The following CASD1 variants were observed in gnomAD, a reference collection of about 807,000 sequenced individuals.
CASD1 encodes N-acetylneuraminate (7)9-O-acetyltransferase.
CASD1 carries 41 observed loss-of-function variants against 100.0 expected under a neutral mutation model. That is an observed-to-expected ratio of 0.41 (90% CI 0.32 to 0.53). CASD1 has a LOEUF of 0.53. CASD1 is among the 20% of genes least tolerant of loss of function. The pLI is 0.25. For synonymous variants in CASD1, 321 were observed against 315.6 expected, an observed-to-expected ratio of 1.02 and a Z score of -0.18; for missense variants, 774 against 948.7, an observed-to-expected ratio of 0.82 and a Z score of 2.42.
At chr7:94,567,205 G>A in the CASD1 span, among the ~76,000 whole-genome samples, 2 of 151,346 alleles carry the variant, frequency 1.3e-5, no homozygotes, top group African/African-American at 4.9e-5. Flanking sequence ...CTTCGTGATT[G>A]TCAGAGGCTA....
At chr7:94,605,906 G>A in the CASD1 span, among the ~76,000 whole-genome samples, 1 of 151,944 alleles carries the variant, frequency 6.6e-6, no homozygotes, top group Non-Finnish European at 1.5e-5. Flanking sequence ...TCAGCTCACT[G>A]CAACCTCTGC....
the CASD1 span, among the ~76,000 whole-genome samples, chr7:94,591,521 A>G: frequency 3.3e-5 from 5 of 152,210 alleles, no homozygotes; most frequent in South Asian, 6.2e-4. Context: ...TAGGTGTTCT[A>G]ACATAGGTAG....
chr7:94,629,429 G>A, the CASD1 span: 1 of 313,666 alleles, frequency 3.2e-6, no homozygotes, highest in South Asian at 3.2e-5. Context: ...AAAATCATAA[G>A]TTTACAGCTA....
intron 10 of CASD1, among the ~76,000 whole-genome samples, 182 bp from the exon 11 acceptor site, chr7:94,544,229 A>G (rs1408946661): frequency 2.6e-5 from 4 of 152,230 alleles, no homozygotes; most frequent in Non-Finnish European, 5.9e-5. Flanking sequence ...AGGTCTCTCC[A>G]ATTCCAGTTC....
the CASD1 span, chr7:94,587,956 C>T: frequency 1.2e-4 from 178 of 1,429,634 alleles, no homozygotes; most frequent in Non-Finnish European, 1.5e-4. Context: ...GAATTCCACA[C>T]CCAACTTACA....
Position 94,555,978 on chromosome 7 carries a change from A to G in CASD1, c.*220A>G, listed in dbSNP as rs879427593. 29 of 496,122 alleles carry G rather than the reference A, an allele frequency of 5.8e-5. No individual in the cohort carries two copies. The highest frequency in any genetic ancestry group is 8.1e-5 in the Non-Finnish European group (23 of 282,932). 30.7% of individuals were successfully genotyped at this position (496,122 alleles called of 1,614,324 possible). On this transcript the variant is annotated 3_prime_UTR_variant, in exon 18 of 18. Coordinates refer to ENST00000297273, the MANE Select transcript of CASD1 (RefSeq NM_022900.5). The stretch of plus-strand genomic sequence containing the variant: ...ACAAACAAACAAACAAAAAACCAGA[A>G]TGCATTGTATAGGATTGCATGTGAA...
At chr7:94,568,264 CTCAAG>C in the CASD1 span, among the ~76,000 whole-genome samples, 1 of 152,010 alleles carries the variant, frequency 6.6e-6, no homozygotes, top group Non-Finnish European at 1.5e-5. Context: ...TAGGTAGCAA[CTCAAG>C]TCAGTTACAA....
intron 16 of CASD1, among the ~76,000 whole-genome samples, chr7:94,552,917 A>G (rs1461061375): frequency 6.6e-6 from 1 of 152,192 alleles, no homozygotes; most frequent in Non-Finnish European, 1.5e-5. Flanking sequence ...AGCCTGGGCA[A>G]TGAGCAAGAC....
chr7:94,586,706 C>G, the CASD1 span: 3 of 302,934 alleles, frequency 9.9e-6, no homozygotes, highest in Non-Finnish European at 1.5e-5. Flanking sequence ...TTCGCCATGT[C>G]GGGCAGGCTG....
chr7:94,533,236 C>T lies in CASD1; in HGVS notation c.491C>T (p.Ala164Val). ...DSIAKPHVIV[A>V]GAATWSIKIH... ...ATTGCAAAGCCACATGTGATTGTAG[C>T]AGGAGCTGCCACAGTAAGTTATCAT... The change falls in exon 6 of 18, where the codon GCA becomes GTA. Residue 164 changes from alanine (A) to valine (V), a missense_variant. By Grantham distance (64) the Ala-to-Val change is moderately conservative (BLOSUM62 0). Around this residue, in one of 5 missense-constraint regions of CASD1, gnomAD observed 453 missense variants for 532.6 expected, o/e 0.85. Transcript: ENST00000297273. 6.2e-7 allele frequency: 1 copy of T among 1,609,484 alleles called. No individual in the cohort carries two copies. Among genetic ancestry groups the T allele is most frequent in the Non-Finnish European group, 8.5e-7 (1 of 1,176,900 alleles).
At chr7:94,623,725 G>T in the CASD1 span, 2 of 391,586 alleles carry the variant, frequency 5.1e-6, no homozygotes, top group South Asian at 1.3e-4. Context: ...TACCAGTGAT[G>T]TTCTAAGATT....
At chr7:94,604,343 G>A in the CASD1 span, among the ~76,000 whole-genome samples, 1 of 151,900 alleles carries the variant, frequency 6.6e-6, no homozygotes, top group Admixed American at 6.6e-5. Flanking sequence ...AATTCTAGCT[G>A]CCTTCTTTGC....
chr7:94,545,916 A>T (rs990179397), intron 12 of CASD1, among the ~76,000 whole-genome samples: 1 of 152,056 alleles, frequency 6.6e-6, no homozygotes. Context: ...AATAGTTTAC[A>T]TTATATGTGT....
the CASD1 span, chr7:94,624,069 A>G: frequency 5.1e-6 from 2 of 394,868 alleles, no homozygotes; most frequent in Non-Finnish European, 8.9e-6. Flanking sequence ...CAACACACAA[A>G]GCAAAGGCCA....
At chr7:94,526,616 C>T (rs1034967579) in intron 3 of CASD1, among the ~76,000 whole-genome samples, 23 of 152,054 alleles carry the variant, frequency 1.5e-4, no homozygotes, top group African/African-American at 5.3e-4. Flanking sequence ...GACAAAACCC[C>T]GTCGCTACAA....
chr7:94,548,611 T>C (rs1443699981), intron 13 of CASD1, among the ~76,000 whole-genome samples: 1 of 151,886 alleles, frequency 6.6e-6, no homozygotes, highest in East Asian at 1.9e-4. Context: ...GGTTGCGTTT[T>C]ATTAAAATAA....
At chr7:94,516,152 A>G (rs1793968588) in intron 1 of CASD1, among the ~76,000 whole-genome samples, 1 of 105,928 alleles carries the variant, frequency 9.4e-6, no homozygotes, top group South Asian at 4.7e-4. Flanking sequence ...TCTTTGAAAT[A>G]CAAAAAAAAA....
intron 17 of CASD1, among the ~76,000 whole-genome samples, chr7:94,554,825 G>C (rs545307788): frequency 6.6e-6 from 1 of 151,920 alleles, no homozygotes; most frequent in Admixed American, 6.6e-5. Context: ...TATTATTTAC[G>C]TTGTCTTGAG....
At chr7:94,521,686 T>A (rs778000295) in intron 3 of CASD1, among the ~76,000 whole-genome samples, 3 of 152,180 alleles carry the variant, frequency 2.0e-5, no homozygotes, top group Non-Finnish European at 4.4e-5. Flanking sequence ...ATACATATGA[T>A]ATACATACGC....
Sources: gnomAD v4.1 joint callset for allele counts (sites outside exome capture counted in the v4.1 genomes callset) on GRCh38, gnomAD v4.1.1 for gene constraint, gnomAD v4.1.1 regional missense constraint, MANE v1.5 for transcripts, NCBI Gene and HGNC (gene_info 2026-07-23, HGNC 2026-07-21) for gene names.